Variants in LRRTM4 observed in about 807,000 individuals in gnomAD.
The protein encoded by LRRTM4 is leucine rich repeat transmembrane neuronal 4.
LRRTM4 carries 25 observed loss-of-function variants against 47.6 expected under a neutral mutation model. The ratio of observed to expected loss-of-function variants is 0.53; its 90% confidence interval spans 0.38 to 0.73. The LOEUF (loss-of-function observed/expected upper bound fraction) is 0.73. LRRTM4 is among the 30% of genes least tolerant of loss of function. The pLI is 0.00. For synonymous variants in LRRTM4, 311 were observed against 269.5 expected (o/e 1.15, Z -1.51); for missense variants, 638 against 713.4 (o/e 0.89, Z 1.20).
chr2:76,789,933 T>C (rs1382929007), intron 3 of LRRTM4, among the ~76,000 whole-genome samples: 1 of 152,218 alleles, frequency 6.6e-6, no homozygotes, highest in Non-Finnish European at 1.5e-5. Context: ...GGGTTGGTCC[T>C]GTCTTGCAGT....
At chr2:76,899,458 G>T (rs1271762220) in intron 3 of LRRTM4, among the ~76,000 whole-genome samples, 2 of 151,966 alleles carry the variant, frequency 1.3e-5, no homozygotes, top group African/African-American at 2.4e-5. Context: ...CCCATGTTAA[G>T]CTTTATGGAG....
intron 3 of LRRTM4, among the ~76,000 whole-genome samples, chr2:77,351,136 C>T (rs12467488): frequency 0.06 from 9,099 of 152,156 alleles, 392 homozygotes; most frequent in Middle Eastern, 0.11. Flanking sequence ...GTGTTATCAT[C>T]ATTTAGCTCC....
At chr2:77,025,898 T>C (rs564675242) in intron 3 of LRRTM4, among the ~76,000 whole-genome samples, 3 of 152,136 alleles carry the variant, frequency 2.0e-5, no homozygotes, top group Admixed American at 6.5e-5. Context: ...TTCAAAGAGA[T>C]TGAAGTCAAT....
At chr2:77,125,823 C>A (rs1443147086) in intron 3 of LRRTM4, among the ~76,000 whole-genome samples, 1 of 151,268 alleles carries the variant, frequency 6.6e-6, no homozygotes, top group Non-Finnish European at 1.5e-5. Context: ...TAACAGAGCC[C>A]TAAATTTAGT....
intron 3 of LRRTM4, chr2:77,517,499 C>G: frequency 1.2e-5 from 12 of 985,014 alleles, no homozygotes; most frequent in Non-Finnish European, 1.4e-5. Flanking sequence ...AAAATTGTGA[C>G]CTGATTTTAG....
chr2:77,440,350 C>A (rs1348038761), intron 3 of LRRTM4, among the ~76,000 whole-genome samples: 2 of 151,974 alleles, frequency 1.3e-5, no homozygotes, highest in African/African-American at 4.8e-5. Flanking sequence ...GGAGGTGGAG[C>A]TTGCAGTGAG....
At chr2:77,293,586 A>G (rs1000286692) in intron 3 of LRRTM4, among the ~76,000 whole-genome samples, 1 of 152,154 alleles carries the variant, frequency 6.6e-6, no homozygotes, top group African/African-American at 2.4e-5. Context: ...ACAGACAGAC[A>G]AGAAGAAAGA....
At chr2:77,344,915 T>G (rs566913057) in intron 3 of LRRTM4, among the ~76,000 whole-genome samples, 1 of 151,644 alleles carries the variant, frequency 6.6e-6, no homozygotes, top group African/African-American at 2.4e-5. Context: ...CTTACCAGAT[T>G]TCTTTTCTCA....
At chr2:77,238,244 T>A (rs1215226647) in intron 3 of LRRTM4, among the ~76,000 whole-genome samples, 1 of 152,168 alleles carries the variant, frequency 6.6e-6, no homozygotes, top group African/African-American at 2.4e-5. Flanking sequence ...TATAATATCA[T>A]GTTGTAAGCC....
intron 3 of LRRTM4, among the ~76,000 whole-genome samples, chr2:77,302,811 T>C (rs1438217338): frequency 6.6e-6 from 1 of 152,130 alleles, no homozygotes; most frequent in Non-Finnish European, 1.5e-5. Context: ...ATCAGTGAGA[T>C]ATTAGGGAAG....
At chr2:77,081,924 A>C (rs1680547482) in intron 3 of LRRTM4, among the ~76,000 whole-genome samples, 1 of 152,052 alleles carries the variant, frequency 6.6e-6, no homozygotes, top group South Asian at 2.1e-4. Context: ...TTTGGGTTTT[A>C]TTTTTAAATA....
intron 3 of LRRTM4, among the ~76,000 whole-genome samples, chr2:76,957,103 T>C (rs1252883582): frequency 6.6e-6 from 1 of 151,752 alleles, no homozygotes. Flanking sequence ...AATATTGTTA[T>C]ATGCTACAAC....
intron 3 of LRRTM4, among the ~76,000 whole-genome samples, chr2:77,457,213 A>C (rs1676597523): frequency 6.6e-6 from 1 of 151,570 alleles, no homozygotes; most frequent in Non-Finnish European, 1.5e-5. Flanking sequence ...TAAACTTAAC[A>C]AAGCCATGTC....
chr2:76,790,576 A>C (rs56145703), intron 3 of LRRTM4, among the ~76,000 whole-genome samples: 19,806 of 152,158 alleles, frequency 0.13, 1,427 homozygotes, highest in African/African-American at 0.16. Context: ...AGTGTTTGAC[A>C]CATAGTAGCA....
chr2:77,091,081 T>C (rs1029626323), intron 3 of LRRTM4, among the ~76,000 whole-genome samples: 3 of 152,070 alleles, frequency 2.0e-5, no homozygotes, highest in Admixed American at 1.3e-4. Context: ...GAGACAATAC[T>C]CTTATAAGCA....
chr2:77,444,542 G>A (rs1675973719), intron 3 of LRRTM4, among the ~76,000 whole-genome samples: 1 of 151,856 alleles, frequency 6.6e-6, no homozygotes, highest in East Asian at 1.9e-4. Context: ...CATGTGATGT[G>A]GTTCTCCTTG....
chr2:77,116,303 A>G (rs538293494), intron 3 of LRRTM4, among the ~76,000 whole-genome samples: 2 of 152,154 alleles, frequency 1.3e-5, no homozygotes, highest in Non-Finnish European at 2.9e-5. Context: ...GAACTTACAT[A>G]ATATAGTCAA....
At chr2:77,165,656 T>C (rs181066656) in intron 3 of LRRTM4, among the ~76,000 whole-genome samples, 20 of 152,154 alleles carry the variant, frequency 1.3e-4, no homozygotes, top group Admixed American at 6.6e-5. Context: ...TGGTTGAACA[T>C]ATGCAAATCA....
At chr2:77,476,211 C>T (rs1453430992) in intron 3 of LRRTM4, among the ~76,000 whole-genome samples, 9 of 151,924 alleles carry the variant, frequency 5.9e-5, no homozygotes, top group Admixed American at 4.6e-4. Context: ...AAGGCAAAAG[C>T]GTGTCTTCTT....
Sources: allele counts gnomAD v4.1 joint callset (sites outside exome capture counted in the v4.1 genomes callset), GRCh38; gene constraint gnomAD v4.1.1; transcripts MANE v1.5; gene names NCBI Gene and HGNC (gene_info 2026-07-23, HGNC 2026-07-21).